The following RAMP3 variants were observed in gnomAD, a reference collection of about 807,000 sequenced individuals.
RAMP3 encodes receptor activity-modifying protein 3.
RAMP3 carries 14 observed loss-of-function variants against 13.5 expected under a neutral mutation model. That is an observed-to-expected ratio of 1.04 (90% CI 0.69 to 1.63). The LOEUF is 1.63. Among genes scored for constraint, RAMP3 ranks in the 40% most tolerant of loss-of-function variants. RAMP3 has a pLI of 0.00. For missense variants in RAMP3, 200 were observed against 204.8 expected (o/e 0.98, Z 0.14); for synonymous variants, 106 against 88.3 (o/e 1.20, Z -1.12).
chr7:45,161,318 T>G (rs1296628668), intron 1 of RAMP3, among the ~76,000 whole-genome samples: 24 of 139,894 alleles, frequency 1.7e-4, no homozygotes, highest in Non-Finnish European at 2.0e-4. Flanking sequence ...GCACTGGGGG[T>G]GGTGGGGAAT....
At chr7:45,183,031 G>A (rs4724373) in intron 2 of RAMP3, 126 bp from the exon 3 acceptor site, 79,955 of 1,316,288 alleles carry the variant, frequency 0.061, 2,736 homozygotes, top group East Asian at 0.11. Flanking sequence ...TTCCAAGGCT[G>A]GGCTGTGAAT....
intron 1 of RAMP3, among the ~76,000 whole-genome samples, chr7:45,171,692 A>T (rs1786086574): frequency 6.6e-6 from 1 of 151,942 alleles, no homozygotes; most frequent in African/African-American, 2.4e-5. Flanking sequence ...CTGTAGCCTC[A>T]GACTCCTGGG....
chr7:45,181,041 C>T (rs1294927), intron 2 of RAMP3, among the ~76,000 whole-genome samples: 63,091 of 151,902 alleles, frequency 0.42, 14,165 homozygotes, highest in Admixed American at 0.51. Flanking sequence ...GTGGGCTCAC[C>T]CCATGACCTC....
intron 1 of RAMP3, among the ~76,000 whole-genome samples, chr7:45,158,584 A>G (rs1035215249): frequency 2.0e-5 from 3 of 152,178 alleles, no homozygotes; most frequent in Non-Finnish European, 4.4e-5. Flanking sequence ...AGAGAGAGAG[A>G]GAGAATGTGT....
intron 1 of RAMP3, among the ~76,000 whole-genome samples, chr7:45,168,880 A>C (rs139268705): frequency 6.6e-6 from 1 of 152,168 alleles, no homozygotes; most frequent in African/African-American, 2.4e-5. Flanking sequence ...TTTGTCTTTC[A>C]TCATTGGTTA....
At chr7:45,165,430 T>C (rs1206669133) in intron 1 of RAMP3, among the ~76,000 whole-genome samples, 1 of 152,252 alleles carries the variant, frequency 6.6e-6, no homozygotes, top group Non-Finnish European at 1.5e-5. Flanking sequence ...TGGCTTCTGA[T>C]AGGCTTTCCT....
At position 45,183,409 on chromosome 7, in the gene RAMP3, G is replaced by C. The variant is rs779250200; in HGVS notation, c.444G>C (p.Leu148=). Reference sequence around the variant, plus strand: ...GCAGCAAACGCACCGACACGCTGCTGTGAGGGTCCCGGTGAGATGGAGTGG... The same window carrying C: ...GCAGCAAACGCACCGACACGCTGCTCTGAGGGTCCCGGTGAGATGGAGTGG... ...VWRSKRTDTL[L] is the part of the protein sequence containing the mutation. Residue 148 remains leucine, a synonymous_variant, in exon 3 of 3, where the codon CTG becomes CTC. Transcript: ENST00000242249. 6.2e-7 allele frequency: 1 copy of C among 1,611,946 alleles called. No homozygotes were observed. Among genetic ancestry groups the C allele is most frequent in the Non-Finnish European group, 8.5e-7 (1 of 1,179,926 alleles).
At chr7:45,173,676 C>T (rs1248657373) in intron 1 of RAMP3, among the ~76,000 whole-genome samples, 1 of 5,686 alleles carries the variant, frequency 1.8e-4, no homozygotes, top group Non-Finnish European at 3.1e-4. Flanking sequence ...ATGGAGCTGA[C>T]TGCCCACTGG....
Position 45,183,801 on chromosome 7 carries a change from G to A in RAMP3, c.*389G>A. 2.0e-6 allele frequency: 1 copy of A among 489,600 alleles called. No individual in the cohort carries two copies. The highest frequency in any genetic ancestry group is 3.6e-6 in the Non-Finnish European group (1 of 279,206). 30.3% of individuals were successfully genotyped at this position (489,600 alleles called of 1,614,324 possible). ...TTAGCCGCAGTCTAGGCCCTGCTTGGACTAGGACTCCTTGCTTGACCCCAT... is the reference window on the plus strand; with the variant it reads ...TTAGCCGCAGTCTAGGCCCTGCTTGAACTAGGACTCCTTGCTTGACCCCAT... On this transcript the variant is annotated 3_prime_UTR_variant, in exon 3 of 3. Transcript: ENST00000242249.
intron 1 of RAMP3, among the ~76,000 whole-genome samples, chr7:45,164,534 C>T (rs11979375): frequency 0.26 from 39,203 of 149,926 alleles, 6,076 homozygotes; most frequent in African/African-American, 0.43. Context: ...GACTTTGTCT[C>T]AAAAGAAAAA....
chr7:45,171,684 G>A (rs373487855), intron 1 of RAMP3, among the ~76,000 whole-genome samples: 1 of 152,154 alleles, frequency 6.6e-6, no homozygotes, highest in Admixed American at 6.5e-5. Context: ...ATGGCTCACT[G>A]TAGCCTCAGA....
At chr7:45,177,186 G>A (rs17172483) in intron 1 of RAMP3, 123 bp from the exon 2 acceptor site, 9 of 1,290,772 alleles carry the variant, frequency 7.0e-6, no homozygotes, top group Non-Finnish European at 8.6e-6. Flanking sequence ...CCGCTGGAAC[G>A]GTCTCAGGCT....
Position 45,177,420 on chromosome 7 carries a change from GC to G in RAMP3, c.171del (p.Cys57Ter). 6.2e-7 allele frequency: 1 copy of G among 1,614,088 alleles called. No homozygotes were observed. Among genetic ancestry groups the G allele is most frequent in the South Asian group, 1.1e-5 (1 of 91,074 alleles). ...MMGKVDVWKW[C>X]NLSEFIVYYE... ...GGCAAGGTGGACGTCTGGAAGTGGT[GC>G]AACCTGTCCGAGTTCATCGTGTGAG... On this transcript the variant is annotated frameshift_variant, in exon 2 of 3. Transcript: ENST00000242249. LOFTEE classifies it high-confidence loss of function.
chr7:45,177,446 G>C lies in RAMP3; in HGVS notation c.191+5G>C. ...CAACCTGTCCGAGTTCATCGTGTGA[G>C]TGCCACTGCTGGGCGTGGGATTTGC... is the stretch of plus-strand genomic sequence containing the variant. On this transcript the variant is annotated splice_donor_5th_base_variant and intron_variant, in intron 2 of 2. Coordinates refer to ENST00000242249, the MANE Select transcript of RAMP3 (RefSeq NM_005856.3). The C allele has an allele frequency of 1.2e-6, 2 of 1,614,048 alleles. No individual in the cohort carries two copies. Among genetic ancestry groups the C allele is most frequent in the Non-Finnish European group, 1.7e-6 (2 of 1,179,942 alleles).
chr7:45,174,706 G>A (rs1786146490), intron 1 of RAMP3, among the ~76,000 whole-genome samples: 1 of 152,124 alleles, frequency 6.6e-6, no homozygotes, highest in Admixed American at 6.5e-5. Flanking sequence ...ATCTTGGTGA[G>A]ACTTCCTGAC....
At chr7:45,162,762 G>A (rs1785889210) in intron 1 of RAMP3, among the ~76,000 whole-genome samples, 1 of 152,160 alleles carries the variant, frequency 6.6e-6, no homozygotes, top group Non-Finnish European at 1.5e-5. Flanking sequence ...CCAGGTAGGT[G>A]CCACTGGTTC....
chr7:45,158,023 T>G, intron 1 of RAMP3, 137 bp downstream of exon 1: 1 of 867,774 alleles, frequency 1.2e-6, no homozygotes, highest in Non-Finnish European at 1.6e-6. Context: ...ACAGTGACCC[T>G]GGCGGGATTC....
chr7:45,181,392 G>T (rs535921705), intron 2 of RAMP3, among the ~76,000 whole-genome samples: 1 of 152,336 alleles, frequency 6.6e-6, no homozygotes, highest in South Asian at 2.1e-4. Flanking sequence ...TCTTGGGACG[G>T]TTCTGGGGCT....
chr7:45,174,045 C>A (rs1158963710), intron 1 of RAMP3, among the ~76,000 whole-genome samples: 1 of 152,002 alleles, frequency 6.6e-6, no homozygotes, highest in Non-Finnish European at 1.5e-5. Context: ...GTGGGCACTC[C>A]CAGCTGAGGA....
Sources: allele counts gnomAD v4.1 joint callset (sites outside exome capture counted in the v4.1 genomes callset), GRCh38; gene constraint gnomAD v4.1.1; transcripts MANE v1.5; gene names NCBI Gene and HGNC (gene_info 2026-07-23, HGNC 2026-07-21).